NOC2L: variants seen among roughly 807,000 people sequenced by gnomAD.
NOC2L encodes the protein NOC2 like nucleolar associated transcriptional repressor, also known as nucleolar complex protein 2 homolog.
A neutral mutation model predicts 94.2 loss-of-function variants in NOC2L; 101 were observed. The ratio of observed to expected loss-of-function variants is 1.07; its 90% CI spans 0.91 to 1.26. The LOEUF is 1.26. Ranked by LOEUF, NOC2L falls within the 50% of genes most tolerant of loss-of-function variation. The pLI is 0.00. For missense variants in NOC2L, 1,076 were observed against 980.1 expected, an observed-to-expected ratio of 1.10 and a Z score of -1.31; for synonymous variants, 531 against 413.4, an observed-to-expected ratio of 1.28 and a Z score of -3.45.
At chr1:953,080 T>C (rs1259007841) in intron 9 of NOC2L, 95 bp downstream of exon 9, 1 of 806,454 alleles carries the variant, frequency 1.2e-6, no homozygotes, top group African/African-American at 1.7e-5. Context: ...GAGGGTCCAG[T>C]GAGGGGCACC....
In NOC2L at chr1:955,920, TA is replaced by T; in HGVS notation, c.698+2del. On this transcript the variant is annotated splice_donor_variant, in intron 6 of 18. Coordinates refer to ENST00000327044, the MANE Select transcript of NOC2L (RefSeq NM_015658.4). LOFTEE classifies it high-confidence loss of function. ...TACCCCCCTTCACCCCCTCCCCTCT[TA>T]CCTGCTGCTATCCTTTGCCACCTTT... The T allele has an allele frequency of 6.2e-7, 1 of 1,604,254 alleles. No homozygotes were observed. The highest frequency in any genetic ancestry group is 1.1e-5 in the South Asian group (1 of 90,866).
At chr1:945,702 G>A in intron 16 of NOC2L, 49 bp from the exon 17 acceptor site, 1 of 1,613,402 alleles carries the variant, frequency 6.2e-7, no homozygotes, top group Non-Finnish European at 8.5e-7. Context: ...GCAGGGGCTG[G>A]CGGCCACAGC....
rs1430233272 is a variant in NOC2L at position 946,410 on chromosome 1, G to A, written c.1795C>T (p.Gln599Ter). The A allele has an allele frequency of 4.3e-6, 7 of 1,613,590 alleles. No individual in the cohort carries two copies. Among genetic ancestry groups the A allele is most frequent in the Non-Finnish European group, 5.9e-6 (7 of 1,180,020 alleles). Reference protein sequence around the residue: ...QRVSFGVSEQQAVEAWEKLTR... With the variant: ...QRVSFGVSEQ ...CCCCAGGGCCCACTAACCACTGCCT[G>A]CTGCTCAGAGACGCCGAAGGAAACC... Residue 599 changes from glutamine (Q) to a stop codon, truncating the protein, a stop_gained, in exon 15 of 19, where the codon CAG (glutamine) becomes TAG (stop). Transcript: ENST00000327044. LOFTEE classifies it high-confidence loss of function.
In NOC2L at chr1:944,804, C is replaced by T. The variant is rs748413180; in HGVS notation, c.2144-4G>A. ...GCCTCTGCGTCTGGGTCTCCATCTG[C>T]GGGGAGAGATGGAGGCTACATAAAT... On this transcript the variant is annotated splice_polypyrimidine_tract_variant and splice_region_variant and intron_variant, in intron 18 of 18. Transcript: ENST00000327044. The T allele has an allele frequency of 1.2e-5, 18 of 1,556,674 alleles. No homozygotes were observed. The highest frequency in any genetic ancestry group is 2.3e-5 in the East Asian group (1 of 44,352).
chr1:955,938 G>C lies in NOC2L; in HGVS notation c.683C>G (p.Ala228Gly). 1 of 1,577,126 alleles carries C rather than the reference G, an allele frequency of 6.3e-7. No individual in the cohort carries two copies. The highest frequency in any genetic ancestry group is 8.7e-7 in the Non-Finnish European group (1 of 1,152,908). Reference protein sequence around the residue: ...CLQKLLFGKVAKDSSRMLQPS... With the variant: ...CLQKLLFGKVGKDSSRMLQPS... Reference sequence around the variant, plus strand: ...CCCCTCTTACCTGCTGCTATCCTTTGCCACCTTTCCAAACAGCAGCTTCTG... The same window carrying C: ...CCCCTCTTACCTGCTGCTATCCTTTCCCACCTTTCCAAACAGCAGCTTCTG... The change falls in exon 6 of 19, where the codon GCA becomes GGA. Residue 228 changes from alanine (A) to glycine (G), a missense_variant. Ala to Gly is a moderately conservative substitution (Grantham distance 60). Coordinates refer to ENST00000327044, the MANE Select transcript of NOC2L (RefSeq NM_015658.4).
intron 12 of NOC2L, among the ~76,000 whole-genome samples, chr1:949,887 C>G (rs1473316062): frequency 6.6e-6 from 1 of 152,194 alleles, no homozygotes; most frequent in African/African-American, 2.4e-5. Context: ...ACCTGGGGAC[C>G]CAGCCCCAAG....
At position 948,491 on chromosome 1, in the gene NOC2L, C is replaced by T. The variant is rs777608108; in HGVS notation, c.1556G>A (p.Arg519Gln). 16 of 1,611,404 alleles carry T rather than the reference C, an allele frequency of 9.9e-6. No homozygotes were observed. Among genetic ancestry groups the T allele is most frequent in the African/African-American group, 4.0e-5 (3 of 75,018 alleles). The change falls in exon 13 of 19, where the codon CGG becomes CAG. Residue 519 changes from arginine (R) to glutamine (Q), a missense_variant and splice_region_variant. Arg to Gln is a conservative substitution (Grantham distance 43, BLOSUM62 1). This residue lies in a region of NOC2L where 615 missense variants were observed against 577.4 expected (regional missense o/e 1.07). Transcript: ENST00000327044. ...CCCTCCCCAGGAGGCCAGCCTCACC[C>T]GGTACGCCTTCTCCTGCAGGTTGAC... ...SNVNLQEKAY[R>Q]DGLVEQLYDL...
rs1642294227 is a variant in NOC2L, at chr1:952,723, G to T, written c.1003-123C>A. 3 of 969,980 alleles carry T rather than the reference G, an allele frequency of 3.1e-6. No homozygotes were observed. In the East Asian group the frequency reaches 7.6e-5, roughly 25 times the overall value. The allele number at this position is 969,980 out of a possible 1,614,324, so 60.1% of individuals were successfully genotyped here. A position where few individuals can be genotyped will look rare whatever the true frequency, so the allele number is the denominator to read the frequency against. The stretch of plus-strand genomic sequence containing the variant: ...AGCTGGGCCTCGAGGAAGAGCCGTA[G>T]CCCCTTGCACAGCCCCCACCCCCAA... On this transcript the variant is annotated intron_variant, in intron 9 of 18. Transcript: ENST00000327044.
intron 12 of NOC2L, among the ~76,000 whole-genome samples, chr1:949,105 G>C (rs933096851): frequency 3.3e-5 from 5 of 152,100 alleles, no homozygotes; most frequent in African/African-American, 1.2e-4. Flanking sequence ...GGCCTGGGGG[G>C]CCCCTCCCAC....
intron 6 of NOC2L, among the ~76,000 whole-genome samples, chr1:954,722 G>A (rs1379859672): frequency 1.3e-5 from 2 of 152,030 alleles, no homozygotes; most frequent in African/African-American, 2.4e-5. Flanking sequence ...AGTTACTTGG[G>A]AGGCTAAGGT....
intron 12 of NOC2L, among the ~76,000 whole-genome samples, chr1:950,783 A>G (rs1299804741): frequency 2.6e-5 from 4 of 152,172 alleles, no homozygotes; most frequent in Non-Finnish European, 4.4e-5. Context: ...ACATGCACAC[A>G]ACTGTCAGGG....
intron 10 of NOC2L, 136 bp from the exon 11 acceptor site, chr1:952,275 C>T (rs1023910039): frequency 7.2e-6 from 10 of 1,392,400 alleles, no homozygotes; most frequent in Non-Finnish European, 8.9e-6. Flanking sequence ...CCCCCACCTG[C>T]AAGGACCGAC....
intron 2 of NOC2L, 128 bp from the exon 3 acceptor site, chr1:957,401 G>A (rs1257853747): frequency 1.1e-6 from 1 of 887,142 alleles, no homozygotes; most frequent in Non-Finnish European, 1.7e-6. Context: ...CAGGAGGTAC[G>A]TTTTTGGCAG....
In NOC2L at chr1:948,001, T is replaced by A. The variant is rs559695954; in HGVS notation, c.1659+130A>T. 8.4e-6 allele frequency: 6 copies of A among 713,906 alleles called. No individual in the cohort carries two copies. The Admixed American group carries it at 1.2e-4, about 14-fold the overall frequency. The allele number at this position is 713,906 out of a possible 1,614,324, so 44.2% of individuals were successfully genotyped here. A position where few individuals can be genotyped will look rare whatever the true frequency, so the allele number is the denominator to read the frequency against. On this transcript the variant is annotated intron_variant, in intron 14 of 18. Coordinates refer to ENST00000327044, the MANE Select transcript of NOC2L (RefSeq NM_015658.4). ...CTCCAAGGGGGCCTCACGGGGCGCG[T>A]TGCCAGCAGTCAGGTTCCACCCCAG...
intron 14 of NOC2L, chr1:947,121 A>G (rs150516450): frequency 1.3e-5 from 2 of 153,724 alleles, no homozygotes; most frequent in African/African-American, 2.4e-5. Flanking sequence ...TGTGCATTGC[A>G]TGGTTCTGCA....
intron 2 of NOC2L, chr1:958,568 G>A (rs929716692): frequency 1.3e-5 from 6 of 459,446 alleles, no homozygotes; most frequent in African/African-American, 9.8e-5. Context: ...TTCTAACAGA[G>A]CAACTCGGCT....
chr1:956,035 G>A (rs767967637), intron 5 of NOC2L, 22 bp from the exon 6 acceptor site: 18 of 1,613,950 alleles, frequency 1.1e-5, no homozygotes, highest in African/African-American at 2.7e-5. Flanking sequence ...AGGCCTGGAT[G>A]TACTCACGGG....
chr1:956,271 G>C, intron 4 of NOC2L, 56 bp from the exon 5 acceptor site: 2 of 1,600,468 alleles, frequency 1.2e-6, no homozygotes, highest in Admixed American at 1.7e-5. Flanking sequence ...ACTTGGCAGA[G>C]TGGAAACGGC....
intron 2 of NOC2L, 117 bp downstream of exon 2, chr1:958,812 G>C: frequency 2.0e-6 from 2 of 1,005,000 alleles, no homozygotes; most frequent in South Asian, 2.6e-5. Flanking sequence ...GAAAGGACTG[G>C]GGGGCAGAGG....
Sources: allele counts gnomAD v4.1 joint callset (sites outside exome capture counted in the v4.1 genomes callset), GRCh38; gene constraint gnomAD v4.1.1; regional missense constraint gnomAD v4.1.1; transcripts MANE v1.5; gene names NCBI Gene and HGNC (gene_info 2026-07-23, HGNC 2026-07-21).